EIF4G3: variants seen among roughly 807,000 people sequenced by gnomAD.
The protein encoded by EIF4G3 is eukaryotic translation initiation factor 4 gamma 3, also known as eIF-4-gamma 3.
Under a neutral mutation model 186.4 loss-of-function variants are expected in EIF4G3, and 34 were observed. The ratio of observed to expected loss-of-function variants is 0.18; its 90% CI spans 0.14 to 0.24. The LOEUF (loss-of-function observed/expected upper bound fraction) is 0.24, where lower values mean the gene tolerates loss of function less well. Among genes scored for constraint, EIF4G3 ranks in the 10% least tolerant of loss-of-function variants. The pLI is 1.00. For missense variants in EIF4G3, 1,536 were observed against 1,948.5 expected (o/e 0.79, Z 3.99); for synonymous variants, 673 against 679.5 (o/e 0.99, Z 0.15).
rs570159207 is a variant in EIF4G3 at position 20,829,368 on chromosome 1, A to G, written c.4062-96T>C. ...AAAATCAGTCAACAAATACATATTA[A>G]TCACCTGCTATGTTAGGTACAGTCT... On this transcript the variant is annotated intron_variant, in intron 30 of 36. Transcript: ENST00000602326. The G allele has an allele frequency of 1.0e-4, 135 of 1,345,146 alleles. No individual in the cohort carries two copies. In the South Asian group the frequency reaches 1.6e-3, roughly 16 times the overall value. The allele number at this position is 1,345,146 out of a possible 1,614,324, so 83.3% of individuals were successfully genotyped here.
intron 30 of EIF4G3, among the ~76,000 whole-genome samples, chr1:20,839,567 T>A (rs1484725362): frequency 6.6e-6 from 1 of 152,194 alleles, no homozygotes; most frequent in African/African-American, 2.4e-5. Context: ...CAACCTTGGC[T>A]CACTGCAACC....
intron 2 of EIF4G3, among the ~76,000 whole-genome samples, chr1:21,116,154 T>C (rs926290638): frequency 6.6e-6 from 1 of 152,158 alleles, no homozygotes; most frequent in African/African-American, 2.4e-5. Context: ...AGCAGCTGAA[T>C]TAATGACAGA....
intron 12 of EIF4G3, among the ~76,000 whole-genome samples, chr1:20,965,985 T>C (rs2074563167): frequency 6.6e-6 from 1 of 152,150 alleles, no homozygotes; most frequent in South Asian, 2.1e-4. Flanking sequence ...AAGTCAAAGT[T>C]TTAAACCTCT....
chr1:21,004,540 A>C (rs1471326020), intron 4 of EIF4G3, among the ~76,000 whole-genome samples: 1 of 152,122 alleles, frequency 6.6e-6, no homozygotes, highest in African/African-American at 2.4e-5. Context: ...CCTACCTCTC[A>C]AGGCAGTTTG....
At chr1:20,963,061 G>T (rs2073783320) in intron 12 of EIF4G3, among the ~76,000 whole-genome samples, 1 of 151,528 alleles carries the variant, frequency 6.6e-6, no homozygotes, top group Non-Finnish European at 1.5e-5. Flanking sequence ...TTGCATATTT[G>T]TGTCTGTTGA....
intron 2 of EIF4G3, among the ~76,000 whole-genome samples, chr1:21,156,042 G>A (rs932936205): frequency 3.3e-5 from 5 of 151,210 alleles, no homozygotes; most frequent in African/African-American, 9.7e-5. Flanking sequence ...TGGGAGAATC[G>A]CTTGAACCCT....
intron 33 of EIF4G3, 78 bp from the exon 34 acceptor site, chr1:20,817,616 C>T: frequency 1.2e-6 from 1 of 869,460 alleles, no homozygotes; most frequent in African/African-American, 1.8e-5. Flanking sequence ...AGAACAAAGT[C>T]ATAGGTTACG....
At chr1:20,839,697 G>A (rs570003532) in intron 30 of EIF4G3, among the ~76,000 whole-genome samples, 18 of 151,480 alleles carry the variant, frequency 1.2e-4, no homozygotes, top group African/African-American at 1.9e-4. Context: ...CATGTTGGCC[G>A]TGGCTGGTTT....
chr1:21,037,967 G>A (rs2093333626), intron 4 of EIF4G3, among the ~76,000 whole-genome samples: 1 of 152,148 alleles, frequency 6.6e-6, no homozygotes, highest in African/African-American at 2.4e-5. Flanking sequence ...GGGGACCCAG[G>A]CATCAGGTGA....
At chr1:20,979,464 C>T (rs895809528) in intron 10 of EIF4G3, among the ~76,000 whole-genome samples, 8 of 152,162 alleles carry the variant, frequency 5.3e-5, no homozygotes, top group African/African-American at 1.9e-4. Context: ...AAAATCTCTA[C>T]TTTCATGGAA....
At chr1:20,929,041 T>G (rs1015097938) in intron 14 of EIF4G3, among the ~76,000 whole-genome samples, 1 of 152,238 alleles carries the variant, frequency 6.6e-6, no homozygotes, top group Non-Finnish European at 1.5e-5. Flanking sequence ...GTTCATCCAT[T>G]GTACACCATG....
chr1:20,941,281 G>A, intron 14 of EIF4G3: 1 of 1,551,066 alleles, frequency 6.4e-7, no homozygotes, highest in Non-Finnish European at 8.7e-7. Flanking sequence ...TTGTATATTT[G>A]GAAATTCTCA....
Position 20,866,035 on chromosome 1 carries a change from T to C in EIF4G3, c.2623-773A>G, listed in dbSNP as rs554163611. 1.4e-4 allele frequency among the ~76,000 whole-genome samples: 21 copies of C among 152,316 alleles called. No individual in the cohort carries two copies. The South Asian group carries it at 4.3e-3, about 32-fold the overall frequency. ...GGGATTCTACTAAAATATTCTAATT[T>C]ACAGATGACATCCCTCTGAGCACCA... On this transcript the variant is annotated intron_variant, in intron 20 of 36. Transcript: ENST00000602326.
rs866065908 is a variant in EIF4G3 at position 20,817,273 on chromosome 1, T to A, written c.4515+119A>T. ...AAAAATAAATAAATAAAAAAATAAA[T>A]AAATAAAAAAAAATAAAAATAAAAA... is the stretch of plus-strand genomic sequence containing the variant. On this transcript the variant is annotated intron_variant, in intron 34 of 36. Transcript: ENST00000602326. The A allele has an allele frequency of 2.2e-3, 722 of 332,576 alleles. 8 individuals are homozygous for A. The highest frequency in any genetic ancestry group is 0.019 in the African/African-American group (597 of 31,722). 20.6% of individuals were successfully genotyped at this position (332,576 alleles called of 1,614,324 possible).
intron 2 of EIF4G3, among the ~76,000 whole-genome samples, chr1:21,169,036 T>G (rs936182420): frequency 6.6e-6 from 1 of 151,434 alleles, no homozygotes; most frequent in Non-Finnish European, 1.5e-5. Flanking sequence ...CTAGGTGTGG[T>G]GGCACACACC....
chr1:21,073,756 G>C (rs1348945428), intron 3 of EIF4G3: 2 of 453,810 alleles, frequency 4.4e-6, no homozygotes, highest in East Asian at 1.1e-4. Context: ...TGATGGTATT[G>C]TCACATGCTG....
chr1:20,863,513 T>G (rs565225820), intron 22 of EIF4G3, among the ~76,000 whole-genome samples: 1 of 150,660 alleles, frequency 6.6e-6, no homozygotes, highest in South Asian at 2.1e-4. Flanking sequence ...GGCGCAATCT[T>G]GGCTCACTGC....
chr1:21,138,594 G>C (rs139760672), intron 2 of EIF4G3, among the ~76,000 whole-genome samples: 1 of 152,096 alleles, frequency 6.6e-6, no homozygotes, highest in Non-Finnish European at 1.5e-5. Context: ...GAGGCAGGTA[G>C]ATCACTTCAG....
At chr1:21,136,040 G>A (rs888527650) in intron 2 of EIF4G3, among the ~76,000 whole-genome samples, 3 of 151,902 alleles carry the variant, frequency 2.0e-5, no homozygotes, top group South Asian at 4.1e-4. Context: ...AAAATTAGCC[G>A]GGCACGGTGG....
Sources: allele counts gnomAD v4.1 joint callset (sites outside exome capture counted in the v4.1 genomes callset), GRCh38; gene constraint gnomAD v4.1.1; transcripts MANE v1.5; gene names NCBI Gene and HGNC (gene_info 2026-07-23, HGNC 2026-07-21).